The following NALCN variants were observed in gnomAD, a reference collection of about 807,000 sequenced individuals.
NALCN encodes the protein sodium leak channel, non-selective.
Under a neutral mutation model 225.3 loss-of-function variants are expected in NALCN, and 111 were observed. The ratio of observed to expected loss-of-function variants is 0.49; its 90% CI spans 0.42 to 0.58. The LOEUF is 0.58. Among genes scored for constraint, NALCN ranks in the 20% least tolerant of loss-of-function variants. NALCN has a pLI of 0.00. For synonymous variants in NALCN, 764 were observed against 769.0 expected, an observed-to-expected ratio of 0.99 and a Z score of 0.11; for missense variants, 1,378 against 2,202.4, an observed-to-expected ratio of 0.63 and a Z score of 7.49.
chr13:101,289,525 C>CATATATATATATATATATATATATAT, intron 9 of NALCN, among the ~76,000 whole-genome samples: 1 of 140,882 alleles, frequency 7.1e-6, no homozygotes, highest in Admixed American at 7.1e-5. Flanking sequence ...TGAAAATGTG[C>CATATATATATATATATATATATATAT]ATATATATAT....
At chr13:101,309,772 T>TA (rs1369216124) in intron 7 of NALCN, among the ~76,000 whole-genome samples, 1 of 152,196 alleles carries the variant, frequency 6.6e-6, no homozygotes, top group Non-Finnish European at 1.5e-5. Context: ...AAAACAATTT[T>TA]AAAAAAATTG....
At chr13:101,205,251 A>C (rs972525975) in intron 13 of NALCN, among the ~76,000 whole-genome samples, 1 of 152,154 alleles carries the variant, frequency 6.6e-6, no homozygotes, top group Non-Finnish European at 1.5e-5. Context: ...TTGGCTGATT[A>C]ATGAAAAATA....
intron 15 of NALCN, among the ~76,000 whole-genome samples, chr13:101,148,644 C>A (rs139005928): frequency 2.0e-4 from 30 of 152,290 alleles, no homozygotes; most frequent in African/African-American, 6.3e-4. Flanking sequence ...AGGACAGGAA[C>A]CATGCAGGGC....
At chr13:101,394,959 A>G (rs573616689) in intron 3 of NALCN, among the ~76,000 whole-genome samples, 2 of 152,184 alleles carry the variant, frequency 1.3e-5, no homozygotes, top group Non-Finnish European at 2.9e-5. Flanking sequence ...TCCTTCTCAG[A>G]TATTCCAAGA....
intron 10 of NALCN, among the ~76,000 whole-genome samples, chr13:101,277,454 A>G (rs958396787): frequency 5.9e-5 from 9 of 152,294 alleles, no homozygotes; most frequent in Admixed American, 2.0e-4. Context: ...AATCTTTGTG[A>G]TCTAAAGTTA....
intron 15 of NALCN, among the ~76,000 whole-genome samples, chr13:101,148,854 A>G (rs891221565): frequency 5.9e-5 from 9 of 152,356 alleles, no homozygotes; most frequent in African/African-American, 2.2e-4. Flanking sequence ...TAAAATATCT[A>G]TTGATTGATT....
chr13:101,134,482 G>A (rs2036671479), intron 17 of NALCN, among the ~76,000 whole-genome samples: 1 of 152,122 alleles, frequency 6.6e-6, no homozygotes, highest in African/African-American at 2.4e-5. Flanking sequence ...GTCTAGCACT[G>A]TGCATTGTTG....
At chr13:101,185,411 T>C (rs547953012) in intron 14 of NALCN, among the ~76,000 whole-genome samples, 3 of 152,330 alleles carry the variant, frequency 2.0e-5, no homozygotes, top group Non-Finnish European at 4.4e-5. Context: ...CTTTTCAGTA[T>C]TCACATCACA....
chr13:101,210,303 T>C (rs1308636068), intron 13 of NALCN, among the ~76,000 whole-genome samples: 2 of 151,992 alleles, frequency 1.3e-5, no homozygotes, highest in East Asian at 3.9e-4. Flanking sequence ...CTAGAAAAAA[T>C]GTTAGAGACA....
At chr13:101,143,018 G>A (rs550027100) in intron 17 of NALCN, 62 bp downstream of exon 17, 10 of 1,590,524 alleles carry the variant, frequency 6.3e-6, no homozygotes, top group East Asian at 4.5e-5. Context: ...AGAACTCTGC[G>A]GTTCTTTTCT....
chr13:101,360,188 TCCTC>T (rs2046203980), intron 6 of NALCN, among the ~76,000 whole-genome samples: 1 of 31,644 alleles, frequency 3.2e-5, no homozygotes, highest in African/African-American at 8.5e-5. Flanking sequence ...CTTCCTCTCT[TCCTC>T]TCTCTCTCTC....
chr13:101,404,298 C>A (rs1052084262), intron 1 of NALCN, among the ~76,000 whole-genome samples: 3 of 152,166 alleles, frequency 2.0e-5, no homozygotes, highest in Non-Finnish European at 4.4e-5. Flanking sequence ...TGCAAAAATC[C>A]AGGAGAGCTG....
intron 6 of NALCN, among the ~76,000 whole-genome samples, chr13:101,348,258 G>C (rs1374401838): frequency 1.3e-5 from 2 of 152,160 alleles, no homozygotes; most frequent in Non-Finnish European, 2.9e-5. Context: ...CTTATTACAT[G>C]TGTGACTTAA....
At chr13:101,373,020 C>A (rs1012553465) in intron 6 of NALCN, 12 of 374,288 alleles carry the variant, frequency 3.2e-5, no homozygotes, top group Admixed American at 2.1e-4. Context: ...AAAAGATAAT[C>A]AGACATTCAA....
chr13:101,391,173 T>C (rs571768857), intron 3 of NALCN, among the ~76,000 whole-genome samples: 1 of 149,986 alleles, frequency 6.7e-6, no homozygotes, highest in Non-Finnish European at 1.5e-5. Context: ...TAAAACAAAA[T>C]GGAACAAACA....
At chr13:101,385,016 T>C (rs775200310) in intron 3 of NALCN, among the ~76,000 whole-genome samples, 3 of 152,292 alleles carry the variant, frequency 2.0e-5, no homozygotes, top group Middle Eastern at 3.4e-3. Flanking sequence ...ACAAATCAGA[T>C]TGTACCACTC....
At position 101,068,757 on chromosome 13, in the gene NALCN, G is replaced by A; in HGVS notation, c.4268C>T (p.Ala1423Val). The A allele has an allele frequency of 6.2e-7, 1 of 1,612,454 alleles. No individual in the cohort carries two copies. Among genetic ancestry groups the A allele is most frequent in the Non-Finnish European group, 8.5e-7 (1 of 1,179,326 alleles). ...ATAAAATGAACAGAAATACATAAGTGCCCCAGCATAATTTCCACAGTCTGT... is the reference window on the plus strand; with the variant it reads ...ATAAAATGAACAGAAATACATAAGTACCCCAGCATAATTTCCACAGTCTGT... ...WATDCGNYAGALMYFCSFYVI... is the reference protein window; with the variant it reads ...WATDCGNYAGVLMYFCSFYVI... The change falls in exon 38 of 44, where the codon GCA (alanine) becomes GTA (valine). Residue 1423 changes from alanine to valine, a missense_variant. Ala to Val is a moderately conservative substitution (Grantham distance 64). Coordinates refer to ENST00000251127, the MANE Select transcript of NALCN (RefSeq NM_052867.4).
intron 18 of NALCN, among the ~76,000 whole-genome samples, chr13:101,117,195 T>C (rs658424): frequency 0.16 from 24,628 of 152,178 alleles, 2,517 homozygotes; most frequent in East Asian, 0.45. Flanking sequence ...AGAACTTCAT[T>C]GTAGGCAGAA....
chr13:101,299,640 G>A (rs2043880198), intron 7 of NALCN, among the ~76,000 whole-genome samples: 1 of 152,144 alleles, frequency 6.6e-6, no homozygotes, highest in East Asian at 1.9e-4. Context: ...TGAAACCTAA[G>A]CAGCAGCCAC....
Sources: gnomAD v4.1 joint callset for allele counts (sites outside exome capture counted in the v4.1 genomes callset) on GRCh38, gnomAD v4.1.1 for gene constraint, MANE v1.5 for transcripts, NCBI Gene and HGNC (gene_info 2026-07-23, HGNC 2026-07-21) for gene names.